FADS6: variants seen among roughly 807,000 people sequenced by gnomAD.
The protein encoded by FADS6 is fatty acid desaturase domain family, member 6.
FADS6 carries 28 observed loss-of-function variants against 31.7 expected under a neutral mutation model. That is an observed-to-expected ratio of 0.88 (90% CI 0.66 to 1.21). The LOEUF (loss-of-function observed/expected upper bound fraction) is 1.21. FADS6 is among the 50% of genes most tolerant of loss of function. The pLI is 0.00. For missense variants in FADS6, 494 were observed against 504.2 expected (o/e 0.98, Z 0.19); for synonymous variants, 191 against 213.1 (o/e 0.90, Z 0.90).
chr17:74,882,897 C>T lies in FADS6; in HGVS notation c.412-187G>A, dbSNP rs2038587995. The T allele has an allele frequency of 2.8e-6, 4 of 1,445,318 alleles. No homozygotes were observed. In the South Asian group the frequency reaches 5.5e-5, roughly 20 times the overall value. 89.5% of individuals were successfully genotyped at this position (1,445,318 alleles called of 1,614,324 possible). ...TCAGGTATCTATGACCACGGAGTGG[C>T]AGCCAGTCAATACAATCGTGTCCGT... On this transcript the variant is annotated intron_variant, in intron 2 of 5. Coordinates refer to ENST00000612771, the MANE Select transcript of FADS6 (RefSeq NM_178128.6).
rs2038719091 is a variant in FADS6, at chr17:74,893,550, TA to T, written c.45del (p.Thr16ArgfsTer41). ...GGCTCCGTAGGTTCCATGGGCTCCGTAGGTTCCATGGGCTCCGTAGGTTCCA... is the reference window on the plus strand; with the variant it reads ...GGCTCCGTAGGTTCCATGGGCTCCGTGGTTCCATGGGCTCCGTAGGTTCCA... ...EPMEPTEPME[P>X]TEPMEPTEPM... On this transcript the variant is annotated frameshift_variant, in exon 1 of 6. Transcript: ENST00000612771. LOFTEE classifies it high-confidence loss of function. The T allele has an allele frequency of 2.9e-6, 4 of 1,397,024 alleles. No homozygotes were observed. Among genetic ancestry groups the T allele is most frequent in the Non-Finnish European group, 3.8e-6 (4 of 1,059,370 alleles). The allele number at this position is 1,397,024 out of a possible 1,614,324, so 86.5% of individuals were successfully genotyped here.
downstream of FADS6, among the ~76,000 whole-genome samples, chr17:74,876,027 T>A (rs1441516514): frequency 6.6e-6 from 1 of 152,210 alleles, no homozygotes. Context: ...GTTTCAGAAC[T>A]AGTGAGAGTC....
intron 2 of FADS6, 162 bp from the exon 3 acceptor site, chr17:74,882,872 T>C: frequency 6.7e-7 from 1 of 1,494,284 alleles, no homozygotes; most frequent in Non-Finnish European, 8.9e-7. Context: ...CCATCAACTC[T>C]CAGGTATCTA....
intron 4 of FADS6, among the ~76,000 whole-genome samples, chr17:74,880,849 C>G (rs689895): frequency 0.78 from 118,248 of 152,182 alleles, 46,631 homozygotes; most frequent in African/African-American, 0.91. Context: ...CACTACCTGT[C>G]AAACTTGACC....
chr17:74,883,069 T>C (rs368149162), intron 2 of FADS6, among the ~76,000 whole-genome samples: 24 of 152,232 alleles, frequency 1.6e-4, no homozygotes, highest in East Asian at 3.9e-4. Flanking sequence ...TGCAATGATT[T>C]TGTGTGTGTT....
chr17:74,887,668 T>C (rs1204941751), intron 2 of FADS6, among the ~76,000 whole-genome samples: 1 of 152,144 alleles, frequency 6.6e-6, no homozygotes, highest in Non-Finnish European at 1.5e-5. Context: ...CAGTAAGCCT[T>C]AGCTAGTGTG....
At chr17:74,888,826 G>A (rs990090613) in intron 2 of FADS6, among the ~76,000 whole-genome samples, 3 of 152,160 alleles carry the variant, frequency 2.0e-5, no homozygotes, top group Non-Finnish European at 4.4e-5. Flanking sequence ...CTTAAATTAC[G>A]GGGGCCTGCC....
intron 2 of FADS6, among the ~76,000 whole-genome samples, chr17:74,888,146 A>C (rs140030346): frequency 8.8e-6 from 1 of 113,596 alleles, no homozygotes; most frequent in African/African-American, 4.0e-5. Context: ...ACACACACAC[A>C]CACACACACG....
intron 2 of FADS6, 133 bp from the exon 3 acceptor site, chr17:74,882,843 C>T: frequency 6.6e-7 from 1 of 1,521,048 alleles, no homozygotes; most frequent in East Asian, 2.5e-5. Context: ...GCCTTACAGC[C>T]CCAGCTAATC....
intron 2 of FADS6, among the ~76,000 whole-genome samples, chr17:74,883,101 T>C (rs2038590434): frequency 6.6e-6 from 1 of 152,228 alleles, no homozygotes; most frequent in African/African-American, 2.4e-5. Flanking sequence ...CATCTGCTCG[T>C]TAATAACACT....
At chr17:74,878,762 T>C (rs1197136174) in intron 5 of FADS6, among the ~76,000 whole-genome samples, 3 of 152,224 alleles carry the variant, frequency 2.0e-5, no homozygotes, top group African/African-American at 7.2e-5. Flanking sequence ...GCACCTACCA[T>C]GTGCCAAACA....
chr17:74,886,311 T>G (rs2038622396), intron 2 of FADS6, among the ~76,000 whole-genome samples: 1 of 143,272 alleles, frequency 7.0e-6, no homozygotes, highest in Non-Finnish European at 1.5e-5. Context: ...AATACAAAAA[T>G]TAGCAGAGCG....
Position 74,893,579 on chromosome 17 carries a change from G to T in FADS6, c.17C>A (p.Pro6Gln), listed in dbSNP as rs767889523. 3 of 1,421,022 alleles carry T rather than the reference G, an allele frequency of 2.1e-6. No homozygotes were observed. The highest frequency in any genetic ancestry group is 2.7e-6 in the Non-Finnish European group (3 of 1,094,090). 88.0% of individuals were successfully genotyped at this position (1,421,022 alleles called of 1,614,324 possible). Residue 6 changes from proline to glutamine, a missense_variant, in exon 1 of 6, where the codon CCG becomes CAG. Coordinates refer to ENST00000612771, the MANE Select transcript of FADS6 (RefSeq NM_178128.6). Reference sequence around the variant, plus strand: ...TTCCATGGGCTCCGTAGGTTCCATCGGCTCCGTGGGTTCCATGGACTCTGT... The same window carrying T: ...TTCCATGGGCTCCGTAGGTTCCATCTGCTCCGTGGGTTCCATGGACTCTGT... MEPTE[P>Q]MEPTEPMEPT...
chr17:74,884,746 T>G (rs1219667033), intron 2 of FADS6, among the ~76,000 whole-genome samples: 1 of 152,030 alleles, frequency 6.6e-6, no homozygotes, highest in Admixed American at 6.5e-5. Flanking sequence ...CTTGCTCTCT[T>G]GCCCAGGCTG....
rs1376960898 is a variant in FADS6 at position 74,881,976 on chromosome 17, C to G, written c.592+554G>C. Among the ~76,000 whole-genome samples, 4 of 151,844 alleles carry G rather than the reference C, an allele frequency of 2.6e-5. No homozygotes were observed. In the East Asian group the frequency reaches 7.8e-4, roughly 29 times the overall value. On this transcript the variant is annotated intron_variant, in intron 3 of 5. Coordinates refer to ENST00000612771, the MANE Select transcript of FADS6 (RefSeq NM_178128.6). Reference sequence around the variant, plus strand: ...TTTTGAGACAGAGGCTCCTCTGTAGCCCAAGCTGGAGTGCAATGGTGAGAT... The same window carrying G: ...TTTTGAGACAGAGGCTCCTCTGTAGGCCAAGCTGGAGTGCAATGGTGAGAT...
chr17:74,888,827 G>A (rs2038658983), intron 2 of FADS6, among the ~76,000 whole-genome samples: 1 of 152,176 alleles, frequency 6.6e-6, no homozygotes, highest in Non-Finnish European at 1.5e-5. Context: ...TTAAATTACG[G>A]GGGCCTGCCC....
At chr17:74,875,816 A>T (rs2038503744), downstream of FADS6, among the ~76,000 whole-genome samples, 1 of 152,232 alleles carries the variant, frequency 6.6e-6, no homozygotes, top group African/African-American at 2.4e-5. Context: ...GCCTCGTGCC[A>T]AGAGGGCTGC....
intron 2 of FADS6, among the ~76,000 whole-genome samples, chr17:74,887,377 C>T (rs1298216226): frequency 6.6e-6 from 1 of 152,182 alleles, no homozygotes; most frequent in Non-Finnish European, 1.5e-5. Flanking sequence ...CTGGCCCACA[C>T]CCCCATCTTG....
chr17:74,882,798 C>A (rs1412197280), intron 2 of FADS6, 88 bp from the exon 3 acceptor site: 1 of 1,539,346 alleles, frequency 6.5e-7, no homozygotes, highest in Admixed American at 2.0e-5. Context: ...AGAACACCCC[C>A]ACCTCCTCAA....
Sources: allele counts gnomAD v4.1 joint callset (sites outside exome capture counted in the v4.1 genomes callset), GRCh38; gene constraint gnomAD v4.1.1; transcripts MANE v1.5; gene names NCBI Gene and HGNC (gene_info 2026-07-23, HGNC 2026-07-21).